Variants in SLC6A2 observed in about 807,000 individuals in gnomAD.
The protein encoded by SLC6A2 is solute carrier family 6 member 2.
In SLC6A2, 26 loss-of-function variants were observed where a neutral mutation model predicts 71.7. That is an observed-to-expected ratio of 0.36 (90% CI 0.27 to 0.50). The LOEUF is 0.50. Among genes scored for constraint, SLC6A2 ranks in the 20% least tolerant of loss-of-function variants. The pLI is 0.96. For missense variants in SLC6A2, 581 were observed against 803.9 expected (o/e 0.72, Z 3.35); for synonymous variants, 363 against 337.9 (o/e 1.07, Z -0.82).
intron 2 of SLC6A2, among the ~76,000 whole-genome samples, chr16:55,663,007 G>C (rs1964651224): frequency 6.6e-6 from 1 of 152,172 alleles, no homozygotes; most frequent in African/African-American, 2.4e-5. Context: ...CCCACAGGTT[G>C]AGGCATTCCC....
chr16:55,658,986 G>A (rs998911204), intron 2 of SLC6A2, among the ~76,000 whole-genome samples: 6 of 152,200 alleles, frequency 3.9e-5, no homozygotes, highest in Admixed American at 3.9e-4. Context: ...CTTTTAAGAG[G>A]CAGGGAGATG....
At chr16:55,696,751 G>A (rs1965811950) in intron 9 of SLC6A2, among the ~76,000 whole-genome samples, 1 of 152,208 alleles carries the variant, frequency 6.6e-6, no homozygotes, top group Admixed American at 6.5e-5. Context: ...GAAGGCTGAG[G>A]TGGAAGGATT....
intron 4 of SLC6A2, among the ~76,000 whole-genome samples, chr16:55,684,317 A>AC (rs1555504307): frequency 2.9e-5 from 4 of 136,076 alleles, no homozygotes; most frequent in African/African-American, 8.2e-5. Context: ...AAAAAAAAAA[A>AC]CAACAACAAC....
In SLC6A2 at chr16:55,656,818, G is replaced by A. The variant is rs770482976; in HGVS notation, c.124G>A (p.Val42Ile). The A allele has an allele frequency of 6.2e-7, 1 of 1,613,470 alleles. No individual in the cohort carries two copies. The highest frequency in any genetic ancestry group is 8.5e-7 in the Non-Finnish European group (1 of 1,179,760). ...ELLVVKERNG[V>I]QCLLAPRDGD... ...GCTGGTGGTGAAGGAGCGCAACGGC[G>A]TCCAGTGCCTGCTGGCGCCCCGCGA... is the stretch of plus-strand genomic sequence containing the variant. The change falls in exon 2 of 15, where the codon GTC (valine) becomes ATC (isoleucine). Residue 42 changes from valine (V) to isoleucine (I), a missense_variant. Val to Ile is a conservative substitution (Grantham distance 29). This residue lies in a region of SLC6A2 where 76 missense variants were observed against 79.9 expected (regional missense o/e 0.95). Coordinates refer to ENST00000568943, the MANE Select transcript of SLC6A2 (RefSeq NM_001172501.3). The surrounding 1 kb of genome is among the most constrained non-coding windows in gnomAD (Gnocchi z 4.5).
intron 5 of SLC6A2, among the ~76,000 whole-genome samples, chr16:55,691,291 T>G: frequency 7.2e-6 from 1 of 137,954 alleles, no homozygotes; most frequent in African/African-American, 2.8e-5. Context: ...GACTGAGATT[T>G]CTAAATATCC....
intron 2 of SLC6A2, among the ~76,000 whole-genome samples, chr16:55,665,610 C>G (rs1027221658): frequency 6.6e-6 from 1 of 152,048 alleles, no homozygotes; most frequent in Non-Finnish European, 1.5e-5. Context: ...CCTCTTTGAC[C>G]ACACTACCTC....
intron 7 of SLC6A2, 107 bp from the exon 8 acceptor site, chr16:55,695,171 G>A: frequency 2.3e-6 from 3 of 1,318,100 alleles, no homozygotes; most frequent in Non-Finnish European, 3.3e-6. Flanking sequence ...AAGGGGGGAT[G>A]GCCTTTGAGG....
Position 55,703,651 on chromosome 16 carries a change from G to A in SLC6A2, c.*1305G>A. The A allele has an allele frequency of 1.0e-6, 1 of 985,420 alleles. No individual in the cohort carries two copies. Among genetic ancestry groups the A allele is most frequent in the African/African-American group, 1.7e-5 (1 of 57,360 alleles). The allele number at this position is 985,420 out of a possible 1,614,324, so 61.0% of individuals were successfully genotyped here. A position where few individuals can be genotyped will look rare whatever the true frequency, so the allele number is the denominator to read the frequency against. ...AAATGATTCCTAGTTTGCTAAATTGGTGGCATCTTTGGGAGGGGTTTCTGT... is the reference window on the plus strand; with the variant it reads ...AAATGATTCCTAGTTTGCTAAATTGATGGCATCTTTGGGAGGGGTTTCTGT... On this transcript the variant is annotated 3_prime_UTR_variant, in exon 15 of 15. Transcript: ENST00000568943.
chr16:55,700,750 A>C (rs1597017369), intron 13 of SLC6A2, among the ~76,000 whole-genome samples: 1 of 152,262 alleles, frequency 6.6e-6, no homozygotes, highest in South Asian at 2.1e-4. Context: ...CCAGAACCTA[A>C]TAATCTGATC....
At chr16:55,657,997 G>A (rs1299972068) in intron 2 of SLC6A2, among the ~76,000 whole-genome samples, 1 of 152,108 alleles carries the variant, frequency 6.6e-6, no homozygotes, top group African/African-American at 2.4e-5. Context: ...AATTGGAGAA[G>A]GGGGACCCAG....
At chr16:55,670,000 A>G (rs1400169206) in intron 3 of SLC6A2, among the ~76,000 whole-genome samples, 1 of 152,170 alleles carries the variant, frequency 6.6e-6, no homozygotes, top group Non-Finnish European at 1.5e-5. Flanking sequence ...CAGCACATAC[A>G]CCACTACTCT....
intron 4 of SLC6A2, among the ~76,000 whole-genome samples, chr16:55,679,917 T>C (rs918520438): frequency 4.6e-5 from 7 of 152,324 alleles, no homozygotes; most frequent in East Asian, 1.9e-4. Flanking sequence ...TGATTCTTTG[T>C]TGGGGGACAG....
At chr16:55,692,171 G>A in intron 6 of SLC6A2, 119 bp downstream of exon 6, 1 of 1,212,342 alleles carries the variant, frequency 8.2e-7, no homozygotes, top group South Asian at 1.2e-5. Context: ...GCCTTGGACA[G>A]GATCCTTCCC....
intron 4 of SLC6A2, among the ~76,000 whole-genome samples, chr16:55,681,421 G>A (rs748138494): frequency 2.0e-5 from 3 of 152,240 alleles, no homozygotes; most frequent in East Asian, 1.9e-4. Context: ...TTGTGGAATC[G>A]ATGAAAGGAT....
At chr16:55,691,806 G>A in intron 5 of SLC6A2, 112 bp from the exon 6 acceptor site, 2 of 1,245,036 alleles carry the variant, frequency 1.6e-6, no homozygotes, top group Non-Finnish European at 1.2e-6. Context: ...TTGGGTAAAG[G>A]AAGGTGGGAA....
At position 55,672,130 on chromosome 16, in the gene SLC6A2, C is replaced by G. The variant is rs1302416109; in HGVS notation, c.599C>G (p.Thr200Ser). Residue 200 changes from threonine to serine, a missense_variant, in exon 4 of 15, where the codon ACC becomes AGC. Thr to Ser is a moderately conservative substitution (Grantham distance 58, BLOSUM62 1). Transcript: ENST00000568943. Reference sequence around the variant, plus strand: ...AATGGCTCCGTGCTTGGCAACCACACCAAGTACTCCAAGTACAAGTTCACG... The same window carrying G: ...AATGGCTCCGTGCTTGGCAACCACAGCAAGTACTCCAAGTACAAGTTCACG... The part of the protein sequence containing the change: ...LLNGSVLGNH[T>S]KYSKYKFTPA... The G allele has an allele frequency of 6.2e-7, 1 of 1,614,182 alleles. No individual in the cohort carries two copies. Among genetic ancestry groups the G allele is most frequent in the South Asian group, 1.1e-5 (1 of 91,078 alleles).
intron 3 of SLC6A2, among the ~76,000 whole-genome samples, chr16:55,671,264 G>A (rs1216117142): frequency 6.6e-6 from 1 of 152,220 alleles, no homozygotes; most frequent in Non-Finnish European, 1.5e-5. Context: ...AGGGGAGAAT[G>A]TGAACACCTG....
chr16:55,693,333 G>A (rs1965695268), intron 6 of SLC6A2, among the ~76,000 whole-genome samples: 4 of 151,684 alleles, frequency 2.6e-5, no homozygotes, highest in Admixed American at 2.0e-4. Context: ...TCATGCCACT[G>A]CACTCCAGCC....
intron 5 of SLC6A2, among the ~76,000 whole-genome samples, chr16:55,690,347 A>T (rs1965577990): frequency 6.6e-6 from 1 of 152,338 alleles, no homozygotes; most frequent in South Asian, 2.1e-4. Context: ...ATAAATCCCC[A>T]TCCTTAAACA....
Sources: allele counts gnomAD v4.1 joint callset (sites outside exome capture counted in the v4.1 genomes callset), GRCh38; gene constraint gnomAD v4.1.1; regional missense constraint gnomAD v4.1.1; non-coding constraint Gnocchi (gnomAD v3.1); transcripts MANE v1.5; gene names NCBI Gene and HGNC (gene_info 2026-07-23, HGNC 2026-07-21).